The following LRRC49 variants were observed in gnomAD, a reference collection of about 807,000 sequenced individuals.
LRRC49 encodes the protein leucine-rich repeat-containing protein 49.
In LRRC49, 50 loss-of-function variants were observed where a neutral mutation model predicts 83.3. That is an observed-to-expected ratio of 0.60 (90% CI 0.48 to 0.76). The LOEUF is 0.76. Among genes scored for constraint, LRRC49 ranks in the 30% least tolerant of loss-of-function variants. The probability of loss-of-function intolerance (pLI) is 0.00; values close to 1 mark genes in which losing one functional copy is unlikely to be tolerated. For missense variants in LRRC49, 704 were observed against 809.1 expected (o/e 0.87, Z 1.58); for synonymous variants, 286 against 283.3 (o/e 1.01, Z -0.10).
At chr15:71,024,176 C>T (rs1031065469) in intron 14 of LRRC49, among the ~76,000 whole-genome samples, 1 of 152,240 alleles carries the variant, frequency 6.6e-6, no homozygotes, top group African/African-American at 2.4e-5. Flanking sequence ...AGTCTTTCTC[C>T]TGCTGGCTCT....
At chr15:70,922,086 A>G (rs989614015) in intron 7 of LRRC49, among the ~76,000 whole-genome samples, 7 of 152,182 alleles carry the variant, frequency 4.6e-5, no homozygotes, top group African/African-American at 1.7e-4. Flanking sequence ...GGGAATGTAA[A>G]TTAGTACAAC....
At position 70,984,321 on chromosome 15, in the gene LRRC49, GA is replaced by G; in HGVS notation, c.1169+67del. ...ATAATTGAATTTGGAGTGGGAATTAGAAACCATTTTACATATAATTATTTTA... is the reference window on the plus strand; with the variant it reads ...ATAATTGAATTTGGAGTGGGAATTAGAACCATTTTACATATAATTATTTTA... On this transcript the variant is annotated intron_variant, in intron 11 of 15. Transcript: ENST00000260382. 3 of 1,367,596 alleles carry G rather than the reference GA, an allele frequency of 2.2e-6. No homozygotes were observed. The South Asian group carries it at 4.6e-5, about 21-fold the overall frequency. 84.7% of individuals were successfully genotyped at this position (1,367,596 alleles called of 1,614,324 possible). A position where few individuals can be genotyped will look rare whatever the true frequency, so the allele number is the denominator to read the frequency against.
chr15:70,960,367 C>G (rs531857718), intron 8 of LRRC49, among the ~76,000 whole-genome samples: 1 of 152,214 alleles, frequency 6.6e-6, no homozygotes, highest in South Asian at 2.1e-4. Flanking sequence ...TTTTAAAGTC[C>G]AGTCGTTGAG....
At chr15:70,959,339 G>C (rs1043733388) in intron 8 of LRRC49, among the ~76,000 whole-genome samples, 3 of 151,850 alleles carry the variant, frequency 2.0e-5, no homozygotes, top group Admixed American at 6.6e-5. Context: ...AAAATACAAA[G>C]AATTAGCCGG....
At chr15:70,901,286 A>C (rs952910534) in intron 4 of LRRC49, among the ~76,000 whole-genome samples, 1 of 151,972 alleles carries the variant, frequency 6.6e-6, no homozygotes, top group South Asian at 2.1e-4. Context: ...TTGATGAAAA[A>C]TGGATTGTAG....
intron 2 of LRRC49, among the ~76,000 whole-genome samples, chr15:70,893,858 G>A: frequency 6.6e-6 from 1 of 150,674 alleles, no homozygotes; most frequent in Non-Finnish European, 1.5e-5. Flanking sequence ...AAAAGGGTAA[G>A]GGTTTTTTTG....
chr15:70,860,242 A>T, intron 1 of LRRC49: 1 of 608,920 alleles, frequency 1.6e-6, no homozygotes. Context: ...GCATGGTATC[A>T]CAGGGAACAG....
At chr15:70,919,028 C>T (rs1308901089) in intron 6 of LRRC49, 22 bp from the exon 7 acceptor site, 2 of 1,596,198 alleles carry the variant, frequency 1.3e-6, no homozygotes, top group Non-Finnish European at 1.7e-6. Context: ...GCTAATCACC[C>T]TTCTCCTATT....
chr15:70,855,002 C>A (rs2032616467), intron 1 of LRRC49, among the ~76,000 whole-genome samples: 1 of 152,164 alleles, frequency 6.6e-6, no homozygotes. Flanking sequence ...TCTCACCTCT[C>A]CAAATGTGAC....
At chr15:70,908,417 G>A (rs954811497) in intron 5 of LRRC49, among the ~76,000 whole-genome samples, 3 of 152,174 alleles carry the variant, frequency 2.0e-5, no homozygotes, top group Admixed American at 6.5e-5. Flanking sequence ...GGGAATATGG[G>A]TTCTGCTTAT....
intron 2 of LRRC49, among the ~76,000 whole-genome samples, chr15:70,880,926 A>G (rs960256374): frequency 1.7e-4 from 26 of 152,208 alleles, no homozygotes; most frequent in Non-Finnish European, 7.3e-5. Context: ...TTAAAACATA[A>G]TGCTCTCTTA....
chr15:71,030,861 C>G (rs192834070), intron 14 of LRRC49, among the ~76,000 whole-genome samples: 96 of 152,066 alleles, frequency 6.3e-4, no homozygotes, highest in Non-Finnish European at 1.2e-3. Context: ...TGTTTTTCAG[C>G]TCCATCAGGT....
At chr15:71,030,010 C>T (rs1409552656) in intron 14 of LRRC49, among the ~76,000 whole-genome samples, 6 of 152,112 alleles carry the variant, frequency 3.9e-5, no homozygotes, top group African/African-American at 1.4e-4. Context: ...GGGCATTTAG[C>T]CCATTTACAT....
chr15:70,864,473 A>T (rs11072225), intron 1 of LRRC49, among the ~76,000 whole-genome samples: 3 of 151,880 alleles, frequency 2.0e-5, no homozygotes, highest in Non-Finnish European at 4.4e-5. Flanking sequence ...GAAGGCCTAG[A>T]GCATTCTGGC....
intron 8 of LRRC49, among the ~76,000 whole-genome samples, chr15:70,938,471 C>A (rs2035681667): frequency 6.6e-6 from 1 of 152,070 alleles, no homozygotes; most frequent in East Asian, 1.9e-4. Context: ...GTGTTTCCAG[C>A]GGATCTGCTT....
intron 8 of LRRC49, among the ~76,000 whole-genome samples, chr15:70,940,923 C>A (rs757802458): frequency 6.6e-6 from 1 of 152,114 alleles, no homozygotes. Context: ...ACACGTGATT[C>A]GCCTTCAGAC....
intron 10 of LRRC49, 147 bp from the exon 11 acceptor site, chr15:70,983,947 G>T: frequency 1.7e-6 from 1 of 574,642 alleles, no homozygotes; most frequent in Non-Finnish European, 3.1e-6. Flanking sequence ...CTTGAATCTT[G>T]TTTTAGAATG....
chr15:71,000,889 C>G (rs1005942681), intron 11 of LRRC49, among the ~76,000 whole-genome samples: 4 of 151,744 alleles, frequency 2.6e-5, no homozygotes, highest in African/African-American at 9.7e-5. Context: ...TATTTCTGTC[C>G]TCTCAACCTC....
chr15:70,926,989 T>C (rs1449727188), intron 7 of LRRC49, among the ~76,000 whole-genome samples: 4 of 152,072 alleles, frequency 2.6e-5, no homozygotes, highest in Admixed American at 1.3e-4. Flanking sequence ...AAAATGCTTA[T>C]CATCACTGGC....
Sources: allele counts gnomAD v4.1 joint callset (sites outside exome capture counted in the v4.1 genomes callset), GRCh38; gene constraint gnomAD v4.1.1; transcripts MANE v1.5; gene names NCBI Gene and HGNC (gene_info 2026-07-23, HGNC 2026-07-21).